Variants in NSMCE2 observed in about 807,000 individuals in gnomAD.
The protein encoded by NSMCE2 is E3 SUMO-protein ligase NSE2.
In NSMCE2, 24 loss-of-function variants were observed where a neutral mutation model predicts 23.8. The ratio of observed to expected loss-of-function variants is 1.01; its 90% confidence interval spans 0.73 to 1.42. The LOEUF is 1.42. Ranked by LOEUF, NSMCE2 falls within the 40% of genes most tolerant of loss-of-function variation. The pLI is 0.00. For synonymous variants in NSMCE2, 92 were observed against 94.1 expected, an observed-to-expected ratio of 0.98 and a Z score of 0.13; for missense variants, 284 against 296.5, an observed-to-expected ratio of 0.96 and a Z score of 0.31.
intron 3 of NSMCE2, among the ~76,000 whole-genome samples, chr8:125,147,470 A>G (rs567537213): frequency 3.3e-5 from 5 of 152,338 alleles, no homozygotes; most frequent in Admixed American, 6.5e-5. Context: ...CAGATAAGAA[A>G]GGAAAGATTG....
chr8:125,354,806 T>C (rs1813184179), intron 5 of NSMCE2, among the ~76,000 whole-genome samples: 1 of 152,214 alleles, frequency 6.6e-6, no homozygotes, highest in Non-Finnish European at 1.5e-5. Flanking sequence ...ACAAGAGCTC[T>C]GCAGCCCTTT....
intron 5 of NSMCE2, among the ~76,000 whole-genome samples, chr8:125,341,367 T>G (rs1263678427): frequency 6.6e-6 from 1 of 152,234 alleles, no homozygotes; most frequent in African/African-American, 2.4e-5. Context: ...TCTGAGAGTC[T>G]TTTTCTTCTC....
chr8:125,192,400 A>G (rs557246444), intron 5 of NSMCE2, among the ~76,000 whole-genome samples: 1 of 151,224 alleles, frequency 6.6e-6, no homozygotes, highest in Non-Finnish European at 1.5e-5. Flanking sequence ...TATTGTGTGT[A>G]TAGCAAGTAG....
chr8:125,122,509 A>G (rs1819318922), intron 3 of NSMCE2, among the ~76,000 whole-genome samples: 1 of 152,196 alleles, frequency 6.6e-6, no homozygotes, highest in South Asian at 2.1e-4. Context: ...TGCCATCAAC[A>G]TATGCTCTTT....
At chr8:125,218,268 A>G (rs1824688970) in intron 5 of NSMCE2, among the ~76,000 whole-genome samples, 1 of 152,192 alleles carries the variant, frequency 6.6e-6, no homozygotes, top group African/African-American at 2.4e-5. Context: ...TTCTACAGAT[A>G]ATGCTGAGGA....
Position 125,119,063 on chromosome 8 carries a change from T to C in NSMCE2, c.157+16576T>C, listed in dbSNP as rs1819150565. 2.6e-5 allele frequency among the ~76,000 whole-genome samples: 4 copies of C among 152,182 alleles called. No individual in the cohort carries two copies. In the South Asian group the frequency reaches 8.3e-4, roughly 32 times the overall value. ...TTTTAGAATGTCAAAAAGGGTGAAA[T>C]GTGCTTTCCTATTGGCTTCCTTACT... On this transcript the variant is annotated intron_variant, in intron 3 of 7. Transcript: ENST00000287437.
At chr8:125,254,800 C>T (rs960097180) in intron 5 of NSMCE2, among the ~76,000 whole-genome samples, 1 of 152,008 alleles carries the variant, frequency 6.6e-6, no homozygotes, top group Admixed American at 6.6e-5. Context: ...CAGTTTGGTC[C>T]GGGAATGAAT....
intron 5 of NSMCE2, among the ~76,000 whole-genome samples, chr8:125,356,333 T>G (rs1250494290): frequency 7.0e-6 from 1 of 143,358 alleles, no homozygotes; most frequent in African/African-American, 2.6e-5. Context: ...TTGGTTTTTT[T>G]TTTTTTTTTT....
At chr8:125,334,521 G>T (rs1311761399) in intron 5 of NSMCE2, among the ~76,000 whole-genome samples, 1 of 152,298 alleles carries the variant, frequency 6.6e-6, no homozygotes, top group East Asian at 1.9e-4. Context: ...CACATGGCAC[G>T]TTGAGAGCGG....
intron 5 of NSMCE2, among the ~76,000 whole-genome samples, chr8:125,356,022 C>G (rs529068070): frequency 3.8e-4 from 58 of 152,044 alleles, no homozygotes; most frequent in Non-Finnish European, 4.6e-4. Context: ...TCAAAACTGT[C>G]TTTATAATAA....
intron 5 of NSMCE2, among the ~76,000 whole-genome samples, chr8:125,258,820 T>C (rs1268997722): frequency 1.3e-5 from 2 of 152,224 alleles, no homozygotes; most frequent in Admixed American, 1.3e-4. Context: ...TTGGAAGCTA[T>C]TGCCTGACAT....
At chr8:125,210,924 G>T (rs1171889743) in intron 5 of NSMCE2, among the ~76,000 whole-genome samples, 1 of 151,986 alleles carries the variant, frequency 6.6e-6, no homozygotes, top group Non-Finnish European at 1.5e-5. Context: ...GTAGAGATGA[G>T]ATTTCACCAT....
At chr8:125,244,843 C>T (rs1563740561) in intron 5 of NSMCE2, among the ~76,000 whole-genome samples, 1 of 151,692 alleles carries the variant, frequency 6.6e-6, no homozygotes, top group African/African-American at 2.4e-5. Flanking sequence ...CATTCGCACA[C>T]AAAAAAAGAT....
chr8:125,285,234 G>A (rs1827846971), intron 5 of NSMCE2, among the ~76,000 whole-genome samples: 1 of 152,200 alleles, frequency 6.6e-6, no homozygotes, highest in African/African-American at 2.4e-5. Context: ...CCACTTGCCA[G>A]ATGGAGAGAA....
At chr8:125,234,179 C>T (rs1028959711) in intron 5 of NSMCE2, among the ~76,000 whole-genome samples, 1 of 151,880 alleles carries the variant, frequency 6.6e-6, no homozygotes, top group Non-Finnish European at 1.5e-5. Context: ...GGCGACAGAG[C>T]GAGACTCCGT....
At chr8:125,126,569 T>A (rs1241024342) in intron 3 of NSMCE2, among the ~76,000 whole-genome samples, 1 of 152,170 alleles carries the variant, frequency 6.6e-6, no homozygotes, top group Non-Finnish European at 1.5e-5. Flanking sequence ...TGTAGTACCT[T>A]ACTTGATGCA....
At chr8:125,349,949 T>A (rs1294688347) in intron 5 of NSMCE2, among the ~76,000 whole-genome samples, 1 of 152,204 alleles carries the variant, frequency 6.6e-6, no homozygotes, top group Non-Finnish European at 1.5e-5. Context: ...TGTGTGAGGA[T>A]GTGTGTATGT....
intron 5 of NSMCE2, among the ~76,000 whole-genome samples, chr8:125,347,421 G>A (rs1380917769): frequency 6.6e-6 from 1 of 152,044 alleles, no homozygotes; most frequent in Non-Finnish European, 1.5e-5. Flanking sequence ...AGATACTTTT[G>A]TACTTTGTAC....
chr8:125,142,868 C>T (rs1303665746), intron 3 of NSMCE2, among the ~76,000 whole-genome samples: 1 of 152,198 alleles, frequency 6.6e-6, no homozygotes, highest in African/African-American at 2.4e-5. Context: ...TCCCAAAGTG[C>T]TGGGATTACA....
Sources: gnomAD v4.1 joint callset for allele counts (sites outside exome capture counted in the v4.1 genomes callset) on GRCh38, gnomAD v4.1.1 for gene constraint, MANE v1.5 for transcripts, NCBI Gene and HGNC (gene_info 2026-07-23, HGNC 2026-07-21) for gene names.